The following COL11A1 variants were observed in gnomAD, a reference collection of about 807,000 sequenced individuals.
COL11A1 encodes collagen type XI alpha 1 chain.
Under a neutral mutation model 265.2 loss-of-function variants are expected in COL11A1, and 74 were observed. The ratio of observed to expected loss-of-function variants is 0.28; its 90% confidence interval spans 0.23 to 0.34. The LOEUF (loss-of-function observed/expected upper bound fraction) is 0.34. Ranked by LOEUF, COL11A1 falls within the 10% of genes least tolerant of loss-of-function variation. The pLI, the probability that COL11A1 is intolerant of heterozygous loss-of-function variation, is 1.00. For missense variants in COL11A1, 2,165 were observed against 2,263.6 expected (o/e 0.96, Z 0.88); for synonymous variants, 816 against 727.6 (o/e 1.12, Z -1.96).
intron 4 of COL11A1, among the ~76,000 whole-genome samples, chr1:103,054,426 T>A (rs1281955230): frequency 6.6e-6 from 1 of 152,146 alleles, no homozygotes; most frequent in Non-Finnish European, 1.5e-5. Context: ...CAAATGGCAT[T>A]TTGCTTTTGC....
chr1:103,060,391 A>G (rs1670578785), intron 4 of COL11A1, among the ~76,000 whole-genome samples: 1 of 152,130 alleles, frequency 6.6e-6, no homozygotes, highest in African/African-American at 2.4e-5. Flanking sequence ...TATAAGTGAG[A>G]AGCTTAAATC....
chr1:102,998,317 C>G lies in COL11A1; in HGVS notation c.2189G>C (p.Gly730Ala). 6.2e-7 allele frequency: 1 copy of G among 1,606,338 alleles called. No homozygotes were observed. The highest frequency in any genetic ancestry group is 8.5e-7 in the Non-Finnish European group (1 of 1,175,608). Residue 730 changes from glycine to alanine, a missense_variant, in exon 25 of 67, where the codon GGG becomes GCG. Gly to Ala is a moderately conservative substitution (Grantham distance 60). Coordinates refer to ENST00000370096, the MANE Select transcript of COL11A1 (RefSeq NM_001854.4). The stretch of plus-strand genomic sequence containing the variant: ...CAGGTAGCTGTTACTTACAGGAGGC[C>G]CATCAGCACCAGGAAGTCCAGCAAG... ...PGLAGLPGAD[G>A]PPGHPGKEGQ...
chr1:103,072,160 A>G (rs1028867336), intron 4 of COL11A1, among the ~76,000 whole-genome samples: 1 of 151,944 alleles, frequency 6.6e-6, no homozygotes, highest in African/African-American at 2.4e-5. Flanking sequence ...GATGAGCATA[A>G]TATGTAAACT....
At chr1:103,027,396 A>AATATATATATATAT (rs57013059) in intron 5 of COL11A1, among the ~76,000 whole-genome samples, 12 of 92,066 alleles carry the variant, frequency 1.3e-4, no homozygotes, top group South Asian at 3.8e-4. Flanking sequence ...TTAAAACTCT[A>AATATATATATATAT]ATATATATAT....
intron 49 of COL11A1, among the ~76,000 whole-genome samples, chr1:102,916,141 G>T (rs1655311954): frequency 6.6e-6 from 1 of 152,020 alleles, no homozygotes; most frequent in East Asian, 1.9e-4. Flanking sequence ...TATTTTATAG[G>T]ATTTGTTTAG....
intron 9 of COL11A1, among the ~76,000 whole-genome samples, chr1:103,020,037 C>A (rs543647799): frequency 6.8e-6 from 1 of 147,952 alleles, no homozygotes; most frequent in Admixed American, 6.8e-5. Flanking sequence ...TGAATAATGC[C>A]GCAATAAACA....
chr1:102,888,325 A>G (rs1651266403), intron 62 of COL11A1, among the ~76,000 whole-genome samples: 1 of 152,206 alleles, frequency 6.6e-6, no homozygotes, highest in Non-Finnish European at 1.5e-5. Flanking sequence ...ACAAAATAGT[A>G]TATGATTCTC....
intron 41 of COL11A1, among the ~76,000 whole-genome samples, chr1:102,951,218 C>T (rs941925187): frequency 2.6e-5 from 4 of 152,042 alleles, no homozygotes; most frequent in African/African-American, 9.7e-5. Flanking sequence ...TCTTATAGAA[C>T]CTTGGTTTTC....
intron 23 of COL11A1, 28 bp from the exon 24 acceptor site, chr1:103,001,997 T>A (rs1665154141): frequency 1.3e-6 from 2 of 1,585,216 alleles, no homozygotes; most frequent in Non-Finnish European, 1.7e-6. Context: ...ATTTCATATA[T>A]CAGATATCAA....
intron 54 of COL11A1, among the ~76,000 whole-genome samples, chr1:102,900,463 T>A (rs115851178): frequency 1.3e-5 from 2 of 152,068 alleles, no homozygotes; most frequent in Non-Finnish European, 2.9e-5. Flanking sequence ...ATTTGGGAAA[T>A]AGAAATAATG....
At chr1:102,882,376 C>T (rs1271197846) in intron 64 of COL11A1, among the ~76,000 whole-genome samples, 1 of 152,004 alleles carries the variant, frequency 6.6e-6, no homozygotes, top group Non-Finnish European at 1.5e-5. Flanking sequence ...TCTGTTTTTC[C>T]ACATTTCTCT....
At chr1:102,970,367 A>G (rs1661848065) in intron 36 of COL11A1, 95 bp from the exon 37 acceptor site, 3 of 908,242 alleles carry the variant, frequency 3.3e-6, no homozygotes, top group South Asian at 3.2e-5. Flanking sequence ...TTCTTTTTAT[A>G]TTTCCATTAG....
intron 42 of COL11A1, among the ~76,000 whole-genome samples, chr1:102,946,067 T>TA (rs1480622442): frequency 7.2e-6 from 1 of 138,464 alleles, no homozygotes; most frequent in Non-Finnish European, 1.6e-5. Flanking sequence ...CTCAGTAAAC[T>TA]ATCGCAAGGA....
At chr1:102,998,452 T>C in intron 24 of COL11A1, 89 bp from the exon 25 acceptor site, 1 of 856,668 alleles carries the variant, frequency 1.2e-6, no homozygotes, top group Non-Finnish European at 1.7e-6. Context: ...ATTCTTATCC[T>C]GAGTCACTGG....
rs1564140 is a variant in COL11A1 at position 102,938,767 on chromosome 1, A to G, written c.3438+268T>C. On this transcript the variant is annotated intron_variant, in intron 44 of 66. Coordinates refer to ENST00000370096, the MANE Select transcript of COL11A1 (RefSeq NM_001854.4). ...TACAAAATTTCTCATAATCATACAA[A>G]AAAGACTATTTCATTATGTTACTCT... Among the ~76,000 whole-genome samples the G allele has an allele frequency of 0.85, 129,204 of 152,120 alleles. 56,469 individuals carry two copies. Among genetic ancestry groups the G allele is most frequent in the East Asian group, 0.99 (5,156 of 5,186 alleles).
Position 103,006,073 on chromosome 1 carries a change from C to G in COL11A1, c.1786G>C (p.Ala596Pro). ...GGRGMPGEPG[A>P]KGDRGFDGLP... ...AAAATATGTGAGCTCCTGACCTTTGCCCCAGGTTCTCCTGGCATTCCTCTT... is the reference window on the plus strand; with the variant it reads ...AAAATATGTGAGCTCCTGACCTTTGGCCCAGGTTCTCCTGGCATTCCTCTT... The change falls in exon 17 of 67, where the codon GCA (alanine) becomes CCA (proline). Residue 596 changes from alanine to proline, a missense_variant. Ala to Pro is a conservative substitution (Grantham distance 27). Transcript: ENST00000370096. 6.2e-7 allele frequency: 1 copy of G among 1,613,926 alleles called. No individual in the cohort carries two copies. The highest frequency in any genetic ancestry group is 8.5e-7 in the Non-Finnish European group (1 of 1,179,914).
chr1:102,980,421 T>C (rs1416332050), intron 31 of COL11A1, among the ~76,000 whole-genome samples: 1 of 152,138 alleles, frequency 6.6e-6, no homozygotes, highest in Non-Finnish European at 1.5e-5. Flanking sequence ...CCCTCATCAC[T>C]GTATCATAAA....
At chr1:102,884,306 T>C (rs73000267) in intron 63 of COL11A1, 13 of 152,232 alleles carry the variant, frequency 8.5e-5, no homozygotes, top group African/African-American at 2.6e-4. Flanking sequence ...CTAACTGTTA[T>C]AGTAGGTAGT....
intron 41 of COL11A1, among the ~76,000 whole-genome samples, chr1:102,951,028 G>A (rs1002117066): frequency 6.6e-6 from 1 of 151,992 alleles, no homozygotes; most frequent in Non-Finnish European, 1.5e-5. Flanking sequence ...TAAGTTTCCC[G>A]AGGCTTCCCC....
Sources: gnomAD v4.1 joint callset for allele counts (sites outside exome capture counted in the v4.1 genomes callset) on GRCh38, gnomAD v4.1.1 for gene constraint, MANE v1.5 for transcripts, NCBI Gene and HGNC (gene_info 2026-07-23, HGNC 2026-07-21) for gene names.